The following ADGRL2 variants were observed in gnomAD, a reference collection of about 807,000 sequenced individuals.
The protein encoded by ADGRL2 is calcium-independent alpha-latrotoxin receptor 2.
Under a neutral mutation model 157.4 loss-of-function variants are expected in ADGRL2, and 44 were observed. The ratio of observed to expected loss-of-function variants is 0.28; its 90% CI spans 0.22 to 0.36. The LOEUF is 0.36. Among genes scored for constraint, ADGRL2 ranks in the 10% least tolerant of loss-of-function variants. The pLI is 1.00. For synonymous variants in ADGRL2, 585 were observed against 624.7 expected, an observed-to-expected ratio of 0.94 and a Z score of 0.95; for missense variants, 1,510 against 1,768.9, an observed-to-expected ratio of 0.85 and a Z score of 2.63.
intron 2 of ADGRL2, among the ~76,000 whole-genome samples, chr1:81,505,663 T>C (rs941628339): frequency 2.1e-5 from 3 of 145,256 alleles, no homozygotes; most frequent in African/African-American, 7.8e-5. Flanking sequence ...CTCCATCTTA[T>C]ATGTATTCTA....
intron 17 of ADGRL2, among the ~76,000 whole-genome samples, chr1:81,974,241 CAGGCACT>C (rs1659549894): frequency 6.6e-6 from 1 of 152,164 alleles, no homozygotes; most frequent in Non-Finnish European, 1.5e-5. Flanking sequence ...GTCTTGCCTA[CAGGCACT>C]AGAGTTATTA....
Position 81,970,328 on chromosome 1 carries a change from A to G in ADGRL2, c.2748A>G (p.Ile916Met), listed in dbSNP as rs892772046. 3 of 1,609,850 alleles carry G rather than the reference A, an allele frequency of 1.9e-6. No homozygotes were observed. In the African/African-American group the frequency reaches 4.0e-5, roughly 22 times the overall value. Residue 916 changes from isoleucine (I) to methionine (M), a missense_variant, in exon 16 of 24, where the codon ATA (isoleucine) becomes ATG (methionine). Physicochemically the swap from Ile to Met is conservative, Grantham distance 10. This residue lies in a region of ADGRL2 where 497 missense variants were observed against 627.2 expected (regional missense o/e 0.79). Transcript: ENST00000686636. Reference sequence around the variant, plus strand: ...TTCCCCCGTAGATTGCATGCCCAATATTTGCAGGACTTCTACACTTTTTCT... The same window carrying G: ...TTCCCCCGTAGATTGCATGCCCAATGTTTGCAGGACTTCTACACTTTTTCT... ...DKTKYAIACP[I>M]FAGLLHFFFL... is the part of the protein sequence containing the mutation.
At chr1:81,851,529 A>C (rs569177790) in intron 2 of ADGRL2, among the ~76,000 whole-genome samples, 1 of 151,926 alleles carries the variant, frequency 6.6e-6, no homozygotes, top group African/African-American at 2.4e-5. Flanking sequence ...TTTTATCTTC[A>C]TAATGGGTAA....
At chr1:81,505,582 G>C (rs867654731) in intron 2 of ADGRL2, among the ~76,000 whole-genome samples, 1 of 150,446 alleles carries the variant, frequency 6.6e-6, no homozygotes, top group South Asian at 2.1e-4. Flanking sequence ...GCCCCCACGA[G>C]TGGGGCCTTG....
At chr1:81,382,582 C>A (rs2076362145) in intron 1 of ADGRL2, among the ~76,000 whole-genome samples, 1 of 151,860 alleles carries the variant, frequency 6.6e-6, no homozygotes, top group South Asian at 2.1e-4. Context: ...AGTTATGAAG[C>A]ATGGAGGGGT....
At chr1:81,445,593 G>C (rs945844893) in intron 2 of ADGRL2, among the ~76,000 whole-genome samples, 6 of 152,140 alleles carry the variant, frequency 3.9e-5, no homozygotes, top group African/African-American at 1.2e-4. Flanking sequence ...CTGTTTCTCT[G>C]AATCATGATC....
chr1:81,729,701 T>A (rs1317358707), intron 1 of ADGRL2, among the ~76,000 whole-genome samples: 1 of 152,228 alleles, frequency 6.6e-6, no homozygotes, highest in South Asian at 2.1e-4. Context: ...TTCTGACAGT[T>A]AATCTTTCCA....
At chr1:81,967,976 C>A in intron 13 of ADGRL2, 50 bp from the exon 14 acceptor site, 4 of 1,414,212 alleles carry the variant, frequency 2.8e-6, no homozygotes, top group Non-Finnish European at 3.0e-6. Context: ...ATTGCTGTTG[C>A]CATCTTAGAA....
chr1:81,815,824 G>C (rs1176774533), intron 1 of ADGRL2, among the ~76,000 whole-genome samples: 1 of 151,614 alleles, frequency 6.6e-6, no homozygotes, highest in East Asian at 1.9e-4. Flanking sequence ...CCTGTCATTG[G>C]TTTCTTAAAA....
chr1:81,502,385 A>T (rs933407380), intron 2 of ADGRL2: 3 of 1,614,000 alleles, frequency 1.9e-6, no homozygotes, highest in African/African-American at 1.3e-5. Context: ...GGGAAGAGAG[A>T]TCTCTCGAGA....
chr1:81,805,673 T>C (rs1322897054), intron 1 of ADGRL2, among the ~76,000 whole-genome samples: 2 of 151,386 alleles, frequency 1.3e-5, no homozygotes, highest in Non-Finnish European at 3.0e-5. Context: ...CCTGAAATTA[T>C]TTTATGGTAG....
intron 1 of ADGRL2, among the ~76,000 whole-genome samples, chr1:81,418,595 CA>C (rs58966751): frequency 0.47 from 71,321 of 150,318 alleles, 17,335 homozygotes; most frequent in Non-Finnish European, 0.54. Context: ...ACTAAAAATA[CA>C]AAAAAAAAAT....
intron 1 of ADGRL2, among the ~76,000 whole-genome samples, chr1:81,712,836 C>A (rs1461567720): frequency 6.9e-6 from 1 of 144,190 alleles, no homozygotes; most frequent in East Asian, 2.1e-4. Flanking sequence ...GATCTCAGCT[C>A]ACTGCAGCCT....
At chr1:81,331,517 T>C (rs1661263823) in intron 1 of ADGRL2, among the ~76,000 whole-genome samples, 1 of 152,166 alleles carries the variant, frequency 6.6e-6, no homozygotes. Flanking sequence ...TTTGGTATTA[T>C]ATTTGTTTTC....
chr1:81,688,014 T>G, intron 3 of ADGRL2, among the ~76,000 whole-genome samples: 1 of 152,206 alleles, frequency 6.6e-6, no homozygotes, highest in East Asian at 1.9e-4. Context: ...CCTTCTAGCT[T>G]GTAGGGTTTC....
chr1:81,673,602 C>T (rs2148925410), intron 3 of ADGRL2, among the ~76,000 whole-genome samples: 1 of 149,950 alleles, frequency 6.7e-6, no homozygotes, highest in South Asian at 2.1e-4. Flanking sequence ...GCAAGCTCTG[C>T]CTCCCGGGTT....
intron 5 of ADGRL2, 84 bp from the exon 6 acceptor site, chr1:81,942,885 C>G: frequency 1.0e-6 from 1 of 988,810 alleles, no homozygotes; most frequent in South Asian, 1.4e-5. Flanking sequence ...GAATTTTTCC[C>G]TTTTGATTTG....
At chr1:81,726,391 A>G (rs201555184) in intron 1 of ADGRL2, among the ~76,000 whole-genome samples, 2 of 152,188 alleles carry the variant, frequency 1.3e-5, no homozygotes, top group Admixed American at 6.5e-5. Flanking sequence ...TCTATAATCT[A>G]CTATGTCCCA....
At chr1:81,655,146 A>C (rs1177496463) in intron 3 of ADGRL2, among the ~76,000 whole-genome samples, 4 of 152,266 alleles carry the variant, frequency 2.6e-5, no homozygotes, top group East Asian at 1.9e-4. Flanking sequence ...CTACGGGCGC[A>C]TGCCACCACT....
Sources: allele counts gnomAD v4.1 joint callset (sites outside exome capture counted in the v4.1 genomes callset), GRCh38; gene constraint gnomAD v4.1.1; regional missense constraint gnomAD v4.1.1; transcripts MANE v1.5; gene names NCBI Gene and HGNC (gene_info 2026-07-23, HGNC 2026-07-21).